The following CASP8 variants were observed in gnomAD, a reference collection of about 807,000 sequenced individuals.
The protein encoded by CASP8 is caspase-8.
In CASP8, 24 loss-of-function variants were observed where a neutral mutation model predicts 46.3. The ratio of observed to expected loss-of-function variants is 0.52; its 90% CI spans 0.38 to 0.73. The LOEUF is 0.73. Among genes scored for constraint, CASP8 ranks in the 30% least tolerant of loss-of-function variants. The probability of loss-of-function intolerance (pLI) is 0.00; values close to 1 mark genes in which losing one functional copy is unlikely to be tolerated. For synonymous variants in CASP8, 188 were observed against 200.4 expected, an observed-to-expected ratio of 0.94 and a Z score of 0.52; for missense variants, 460 against 559.0, an observed-to-expected ratio of 0.82 and a Z score of 1.79.
intron 8 of CASP8, 112 bp downstream of exon 8, chr2:201,285,429 G>C (rs1949511289): frequency 7.6e-7 from 1 of 1,307,890 alleles, no homozygotes; most frequent in Non-Finnish European, 1.1e-6. Flanking sequence ...ATGTGATTTA[G>C]ATCACATTAA....
chr2:201,284,803 T>C lies in CASP8; in HGVS notation c.803-13T>C, dbSNP rs1340393179. ...CTGTGGTATAACGTGACTGTTCAAATTTCACTTTTCAGGGGCTTTGACCAC... is the reference window on the plus strand; with the variant it reads ...CTGTGGTATAACGTGACTGTTCAAACTTCACTTTTCAGGGGCTTTGACCAC... On this transcript the variant is annotated splice_polypyrimidine_tract_variant and intron_variant, in intron 7 of 8. Coordinates refer to ENST00000673742, the MANE Select transcript of CASP8 (RefSeq NM_001372051.1). The C allele has an allele frequency of 1.2e-6, 2 of 1,607,902 alleles. No homozygotes were observed. The highest frequency in any genetic ancestry group is 8.5e-7 in the Non-Finnish European group (1 of 1,177,380).
intron 2 of CASP8, among the ~76,000 whole-genome samples, chr2:201,248,420 A>G (rs545732197): frequency 2.0e-5 from 3 of 152,326 alleles, no homozygotes; most frequent in African/African-American, 7.2e-5. Context: ...GACTATCCCA[A>G]GTAGCAACAT....
At chr2:201,277,683 T>A in intron 7 of CASP8, 1 of 437,842 alleles carries the variant, frequency 2.3e-6, no homozygotes, top group Non-Finnish European at 4.5e-6. Context: ...ATCAGGAGTC[T>A]GTAATGGCCC....
chr2:201,259,861 A>G (rs1282747218), upstream of CASP8, among the ~76,000 whole-genome samples: 1 of 151,962 alleles, frequency 6.6e-6, no homozygotes, highest in East Asian at 1.9e-4. Context: ...CATCTTACCA[A>G]AGAGTTTTTG....
upstream of CASP8, among the ~76,000 whole-genome samples, chr2:201,258,652 T>C (rs1375062733): frequency 2.0e-5 from 3 of 152,242 alleles, 1 homozygote; most frequent in Admixed American, 6.5e-5. Flanking sequence ...CGAATGCAGA[T>C]ACACGGTCTC....
chr2:201,273,062 T>TTC, intron 5 of CASP8, 120 bp downstream of exon 5: 19 of 765,084 alleles, frequency 2.5e-5, no homozygotes, highest in Non-Finnish European at 3.5e-5. Context: ...CTTTTTCTTT[T>TTC]TTTTTTTTTT....
At chr2:201,255,527 G>C (rs1250712441) in intron 2 of CASP8, among the ~76,000 whole-genome samples, 1 of 152,322 alleles carries the variant, frequency 6.6e-6, no homozygotes, top group Non-Finnish European at 1.5e-5. Flanking sequence ...GCCTCCAGCA[G>C]ATCATCCATT....
chr2:201,234,839 T>C (rs890857899), intron 2 of CASP8, among the ~76,000 whole-genome samples: 2 of 152,200 alleles, frequency 1.3e-5, no homozygotes, highest in South Asian at 4.1e-4. Context: ...ATGAAAGCAA[T>C]ATACTTAGGC....
At chr2:201,251,864 C>T (rs1005116803) in intron 2 of CASP8, among the ~76,000 whole-genome samples, 3 of 151,634 alleles carry the variant, frequency 2.0e-5, no homozygotes, top group African/African-American at 4.9e-5. Flanking sequence ...TCACACTTGC[C>T]GTTGCACTCC....
chr2:201,238,858 C>T (rs1346825846), intron 2 of CASP8, among the ~76,000 whole-genome samples: 2 of 151,948 alleles, frequency 1.3e-5, no homozygotes, highest in Non-Finnish European at 2.9e-5. Context: ...GAGGGAAGGT[C>T]AGCAGATAAA....
chr2:201,283,006 C>A (rs1204583409), intron 7 of CASP8, among the ~76,000 whole-genome samples: 1 of 71,948 alleles, frequency 1.4e-5, no homozygotes, highest in Non-Finnish European at 3.5e-5. Context: ...TGACCCCCCC[C>A]ACCTCCCTCC....
At chr2:201,281,659 A>G (rs1485540512) in intron 7 of CASP8, among the ~76,000 whole-genome samples, 7 of 152,240 alleles carry the variant, frequency 4.6e-5, no homozygotes, top group African/African-American at 1.7e-4. Flanking sequence ...GGATAAAATA[A>G]GTTGGATCTT....
chr2:201,257,481 C>CAA (rs375598463), upstream of CASP8, among the ~76,000 whole-genome samples: 16,960 of 121,992 alleles, frequency 0.14, 1,542 homozygotes, highest in East Asian at 0.24. Context: ...GACTCCGTCT[C>CAA]AAAAAAAAAA....
intron 2 of CASP8, among the ~76,000 whole-genome samples, chr2:201,267,950 G>A (rs1213236054): frequency 1.3e-5 from 2 of 152,058 alleles, no homozygotes; most frequent in East Asian, 1.9e-4. Flanking sequence ...TTTTTGAGAC[G>A]GAGTCTCGCT....
In CASP8 at chr2:201,272,870, T is replaced by G; in HGVS notation, c.551-28T>G. On this transcript the variant is annotated intron_variant, in intron 4 of 8. Coordinates refer to ENST00000673742, the MANE Select transcript of CASP8 (RefSeq NM_001372051.1). This position sits in a 1 kb window ranked among gnomAD's most constrained non-coding sequence, Gnocchi z 4.4. ...TATCACAGTTGTTTCTAATCAAATA[T>G]TGTTTGGGGTTTCCCCTTTTAATTC... 6 of 1,614,034 alleles carry G rather than the reference T, an allele frequency of 3.7e-6. No individual in the cohort carries two copies. Among genetic ancestry groups the G allele is most frequent in the Non-Finnish European group, 5.1e-6 (6 of 1,179,900 alleles).
At chr2:201,247,737 C>T (rs576032770) in intron 2 of CASP8, among the ~76,000 whole-genome samples, 18 of 152,110 alleles carry the variant, frequency 1.2e-4, no homozygotes, top group South Asian at 4.2e-4. Context: ...CTCCACCTCC[C>T]GGGTTCAAGG....
chr2:201,258,351 G>A (rs756428571), upstream of CASP8: 2 of 1,614,028 alleles, frequency 1.2e-6, no homozygotes, highest in Admixed American at 3.3e-5. Context: ...GGGACTCGGA[G>A]ACTGCGATGG....
rs1949476123 is a variant in CASP8, at chr2:201,284,819, C to A, written c.806C>A (p.Ala269Asp). Reference sequence around the variant, plus strand: ...CTGTTCAAATTTCACTTTTCAGGGGCTTTGACCACGACCTTTGAAGAGCTT... The same window carrying A: ...CTGTTCAAATTTCACTTTTCAGGGGATTTGACCACGACCTTTGAAGAGCTT... ...DRNGTHLDAGALTTTFEELHF... is the reference protein window; with the variant it reads ...DRNGTHLDAGDLTTTFEELHF... Residue 269 changes from alanine (A) to aspartate (D), a missense_variant, in exon 8 of 9, where the codon GCT becomes GAT. Ala to Asp is a moderately radical substitution (Grantham distance 126). Coordinates refer to ENST00000673742, the MANE Select transcript of CASP8 (RefSeq NM_001372051.1). 1.2e-6 allele frequency: 2 copies of A among 1,611,608 alleles called. No individual in the cohort carries two copies. Among genetic ancestry groups the A allele is most frequent in the Admixed American group, 3.4e-5 (2 of 59,632 alleles).
At chr2:201,275,584 C>T (rs1448067044) in intron 6 of CASP8, among the ~76,000 whole-genome samples, 1 of 152,162 alleles carries the variant, frequency 6.6e-6, no homozygotes, top group Non-Finnish European at 1.5e-5. Context: ...CTAGTGTGGG[C>T]TCCTGAGAAA....
Sources: gnomAD v4.1 joint callset for allele counts (sites outside exome capture counted in the v4.1 genomes callset) on GRCh38, gnomAD v4.1.1 for gene constraint, Gnocchi (gnomAD v3.1) non-coding constraint, MANE v1.5 for transcripts, NCBI Gene and HGNC (gene_info 2026-07-23, HGNC 2026-07-21) for gene names.